Variants in SOX5 observed in about 807,000 individuals in gnomAD.
The protein encoded by SOX5 is transcription factor SOX-5.
SOX5 carries 9 observed loss-of-function variants against 92.0 expected under a neutral mutation model. The observed-to-expected ratio is 0.10, with a 90% CI of 0.06 to 0.17. SOX5 has a LOEUF of 0.17. Among genes scored for constraint, SOX5 ranks in the 10% least tolerant of loss-of-function variants. SOX5 has a pLI of 1.00. For synonymous variants in SOX5, 344 were observed against 336.3 expected, an observed-to-expected ratio of 1.02 and a Z score of -0.25; for missense variants, 642 against 944.5, an observed-to-expected ratio of 0.68 and a Z score of 4.20.
intron 1 of SOX5, among the ~76,000 whole-genome samples, chr12:23,908,235 G>A (rs568397693): frequency 1.8e-4 from 27 of 152,086 alleles, no homozygotes; most frequent in South Asian, 8.3e-4. Context: ...AAGTTAAGCC[G>A]TCTAAAGAAA....
intron 6 of SOX5, among the ~76,000 whole-genome samples, chr12:23,723,397 T>C (rs1274252079): frequency 6.6e-6 from 1 of 151,660 alleles, no homozygotes; most frequent in Non-Finnish European, 1.5e-5. Context: ...AGGAACTATG[T>C]ATGGGAGGGA....
At chr12:23,999,748 T>C (rs942597333) in intron 4 of SOX5, among the ~76,000 whole-genome samples, 2 of 151,958 alleles carry the variant, frequency 1.3e-5, no homozygotes, top group Non-Finnish European at 2.9e-5. Flanking sequence ...AAAACTCAAC[T>C]GTTAATCAAG....
chr12:23,966,597 A>T (rs10842251), intron 4 of SOX5, among the ~76,000 whole-genome samples: 8,488 of 152,196 alleles, frequency 0.056, 758 homozygotes, highest in East Asian at 0.42. Context: ...GATTTAGATT[A>T]AAAAAATCTG....
intron 4 of SOX5, among the ~76,000 whole-genome samples, chr12:24,166,535 A>G (rs867855693): frequency 6.6e-6 from 1 of 152,148 alleles, no homozygotes; most frequent in African/African-American, 2.4e-5. Context: ...CAAGCCTTAC[A>G]CTAATGATAA....
At chr12:24,381,269 T>A (rs147373300) in intron 1 of SOX5, among the ~76,000 whole-genome samples, 46 of 152,360 alleles carry the variant, frequency 3.0e-4, no homozygotes, top group African/African-American at 1.1e-3. Context: ...ATTAAATATG[T>A]ATATTTACTT....
intron 2 of SOX5, among the ~76,000 whole-genome samples, chr12:24,349,637 A>G (rs1361600061): frequency 6.6e-6 from 1 of 152,204 alleles, no homozygotes; most frequent in African/African-American, 2.4e-5. Flanking sequence ...GCTGAGTAAT[A>G]TTCTGTTGTA....
chr12:24,296,330 T>C (rs1400441021), intron 2 of SOX5, among the ~76,000 whole-genome samples: 1 of 152,228 alleles, frequency 6.6e-6, no homozygotes, highest in East Asian at 1.9e-4. Flanking sequence ...TATTGTGAGA[T>C]TTCCTCGCTG....
rs180975188 is a variant in SOX5 at position 23,589,313 on chromosome 12, T to C, written c.1165-13475A>G. On this transcript the variant is annotated intron_variant, in intron 9 of 14. Coordinates refer to ENST00000451604, the MANE Select transcript of SOX5 (RefSeq NM_006940.6). ...ATATAACAAAACTGGACAATATTTG[T>C]ACAGGCTGTGCCTTTCATTTCAGGA... 3.0e-3 allele frequency among the ~76,000 whole-genome samples: 453 copies of C among 152,078 alleles called. 4 individuals carry two copies. The highest frequency in any genetic ancestry group is 0.01 in the African/African-American group (432 of 41,548).
At chr12:23,899,584 G>C (rs2097211736) in intron 1 of SOX5, among the ~76,000 whole-genome samples, 1 of 152,108 alleles carries the variant, frequency 6.6e-6, no homozygotes, top group Admixed American at 6.5e-5. Flanking sequence ...GCTTACCAAT[G>C]AACAAAACTC....
chr12:23,590,652 T>C lies in SOX5; in HGVS notation c.1164+13735A>G, dbSNP rs1951402241. Reference sequence around the variant, plus strand: ...CTTGTTTGTTTTCCCCATTATATTGTACTGTGTGTTAATTGCTGTTCTTTT... The same window carrying C: ...CTTGTTTGTTTTCCCCATTATATTGCACTGTGTGTTAATTGCTGTTCTTTT... On this transcript the variant is annotated intron_variant, in intron 9 of 14. Transcript: ENST00000451604. Among the ~76,000 whole-genome samples the C allele has an allele frequency of 4.6e-5, 7 of 152,050 alleles. No individual in the cohort carries two copies. In the South Asian group the frequency reaches 1.4e-3, roughly 31 times the overall value.
chr12:24,362,168 A>G (rs1955649121), intron 2 of SOX5, among the ~76,000 whole-genome samples: 1 of 152,234 alleles, frequency 6.6e-6, no homozygotes, highest in Admixed American at 6.5e-5. Flanking sequence ...GTGCATATGT[A>G]TATTCTTTCC....
At chr12:24,217,190 A>T (rs1297501117) in intron 3 of SOX5, among the ~76,000 whole-genome samples, 1 of 152,182 alleles carries the variant, frequency 6.6e-6, no homozygotes, top group Non-Finnish European at 1.5e-5. Flanking sequence ...GGTTCTTAGG[A>T]ACTCCCAATT....
chr12:24,379,873 A>ATT (rs762985814), intron 1 of SOX5, among the ~76,000 whole-genome samples: 2 of 46,424 alleles, frequency 4.3e-5, no homozygotes. Context: ...CTTCCAGAAG[A>ATT]TTCTTTTTTT....
At chr12:23,854,120 T>C (rs1410253690) in intron 2 of SOX5, among the ~76,000 whole-genome samples, 1 of 152,120 alleles carries the variant, frequency 6.6e-6, no homozygotes, top group African/African-American at 2.4e-5. Context: ...TTCATCTGTA[T>C]TCTGTACCAA....
intron 4 of SOX5, among the ~76,000 whole-genome samples, chr12:24,204,456 G>C (rs774839231): frequency 2.6e-5 from 4 of 151,984 alleles, no homozygotes; most frequent in Non-Finnish European, 5.9e-5. Context: ...GGCTTCCTGA[G>C]TAACTGGGAT....
At chr12:23,680,625 T>C (rs1029231076) in intron 6 of SOX5, among the ~76,000 whole-genome samples, 4 of 151,988 alleles carry the variant, frequency 2.6e-5, no homozygotes, top group African/African-American at 9.6e-5. Flanking sequence ...TTTTCTGAAT[T>C]TGAAAGATAT....
rs1441530773 is a variant in SOX5, at chr12:23,979,698, GTTTTTTTTGT to G, written c.-1-83684_-1-83675del. Among the ~76,000 whole-genome samples the G allele has an allele frequency of 8.0e-4, 52 of 64,690 alleles. 2 individuals are homozygous for G. The South Asian group carries it at 0.012, about 15-fold the overall frequency. 42.4% of individuals were successfully genotyped at this position (64,690 alleles called of 152,430 possible). A position where few individuals can be genotyped will look rare whatever the true frequency, so the allele number is the denominator to read the frequency against. On this transcript the variant is annotated intron_variant, in intron 4 of 4. Coordinates refer to the SOX5 transcript ENST00000446891. ...TTCTTCCTTCCATATATATATATAT[GTTTTTTTTGT>G]TTTTTTTTTTTTTTTTTTTTTTTTT...
intron 4 of SOX5, among the ~76,000 whole-genome samples, chr12:24,210,470 G>A (rs1050130663): frequency 6.6e-6 from 1 of 152,160 alleles, no homozygotes; most frequent in Non-Finnish European, 1.5e-5. Context: ...TATAATAAAA[G>A]AGTTACATAA....
At chr12:24,059,710 G>T (rs541006988) in intron 4 of SOX5, among the ~76,000 whole-genome samples, 14 of 152,162 alleles carry the variant, frequency 9.2e-5, no homozygotes, top group African/African-American at 3.4e-4. Flanking sequence ...TCCAGGGAAG[G>T]GAATCACATC....
Sources: gnomAD v4.1 joint callset for allele counts (sites outside exome capture counted in the v4.1 genomes callset) on GRCh38, gnomAD v4.1.1 for gene constraint, MANE v1.5 for transcripts, NCBI Gene and HGNC (gene_info 2026-07-23, HGNC 2026-07-21) for gene names.